Variants in HOMEZ observed in about 807,000 individuals in gnomAD.
The protein encoded by HOMEZ is homeobox and leucine zipper protein Homez.
In HOMEZ, 20 loss-of-function variants were observed where a neutral mutation model predicts 50.1. That is an observed-to-expected ratio of 0.40 (90% CI 0.28 to 0.58). HOMEZ has a LOEUF of 0.58. Among genes scored for constraint, HOMEZ ranks in the 20% least tolerant of loss-of-function variants. The pLI is 0.46. For synonymous variants in HOMEZ, 239 were observed against 254.7 expected (o/e 0.94, Z 0.59); for missense variants, 579 against 680.5 (o/e 0.85, Z 1.66).
At chr14:23,285,041 T>C (rs983268600) in intron 1 of HOMEZ, 5 of 152,274 alleles carry the variant, frequency 3.3e-5, no homozygotes, top group Middle Eastern at 3.4e-3. Context: ...GGAAAGAGAA[T>C]TGGGAACTCT....
Position 23,285,965 on chromosome 14 carries a change from A to G in HOMEZ, c.-13T>C, listed in dbSNP as rs906046206. On this transcript the variant is annotated 5_prime_UTR_variant, in exon 1 of 2. Coordinates refer to ENST00000357460, the MANE Select transcript of HOMEZ (RefSeq NM_020834.3). Reference sequence around the variant, plus strand: ...AGCCTCGCACCATGGGCCGGGGGGAAGTGGGGGAGAGGGCAGGGGGCCTCC... The same window carrying G: ...AGCCTCGCACCATGGGCCGGGGGGAGGTGGGGGAGAGGGCAGGGGGCCTCC... 1.7e-6 allele frequency: 2 copies of G among 1,191,808 alleles called. No individual in the cohort carries two copies. The highest frequency in any genetic ancestry group is 4.2e-5 in the South Asian group (1 of 23,610). The allele number at this position is 1,191,808 out of a possible 1,614,324, so 73.8% of individuals were successfully genotyped here. A position where few individuals can be genotyped will look rare whatever the true frequency, so the allele number is the denominator to read the frequency against.
intron 1 of HOMEZ, among the ~76,000 whole-genome samples, chr14:23,280,168 T>C (rs1274214378): frequency 6.6e-6 from 1 of 152,030 alleles, no homozygotes; most frequent in African/African-American, 2.4e-5. Context: ...CATCTCTTGG[T>C]TGGATGAGAG....
chr14:23,280,704 T>TC (rs968351125), intron 1 of HOMEZ, among the ~76,000 whole-genome samples: 1 of 86,522 alleles, frequency 1.2e-5, no homozygotes. Context: ...TATTTTTATA[T>TC]TTTTATTTTT....
At chr14:23,280,444 CA>C (rs1237312912) in intron 1 of HOMEZ, among the ~76,000 whole-genome samples, 1 of 152,094 alleles carries the variant, frequency 6.6e-6, no homozygotes, top group South Asian at 2.1e-4. Flanking sequence ...ACCAGGTGGA[CA>C]GGCTCATTAT....
At position 23,286,075 on chromosome 14, in the gene HOMEZ, C is replaced by A. The variant is rs1299803884; in HGVS notation, c.-123G>T. 2 of 1,230,496 alleles carry A rather than the reference C, an allele frequency of 1.6e-6. No individual in the cohort carries two copies. The highest frequency in any genetic ancestry group is 2.0e-6 in the Non-Finnish European group (2 of 987,018). 76.2% of individuals were successfully genotyped at this position (1,230,496 alleles called of 1,614,324 possible). Reference sequence around the variant, plus strand: ...AAACCGGGACTGCCCCCCCCACCGTCCCCGGGAGCGCGCCGGTCTACCCAG... The same window carrying A: ...AAACCGGGACTGCCCCCCCCACCGTACCCGGGAGCGCGCCGGTCTACCCAG... On this transcript the variant is annotated 5_prime_UTR_variant, in exon 1 of 2. Transcript: ENST00000357460.
intron 1 of HOMEZ, among the ~76,000 whole-genome samples, chr14:23,281,799 AAATAATAAT>A (rs55828215): frequency 2.8e-3 from 388 of 137,440 alleles, no homozygotes; most frequent in African/African-American, 6.8e-3. Flanking sequence ...CTGTCTCTAC[AAATAATAAT>A]AATAATAATA....
intron 1 of HOMEZ, chr14:23,285,593 C>A: frequency 3.4e-6 from 1 of 293,038 alleles, no homozygotes. Flanking sequence ...ATTTCACAGG[C>A]AGTCCAGAAG....
rs550350083 is a variant in HOMEZ at position 23,278,927 on chromosome 14, C to T, written c.41-1740G>A. On this transcript the variant is annotated intron_variant, in intron 1 of 1. Coordinates refer to ENST00000357460, the MANE Select transcript of HOMEZ (RefSeq NM_020834.3). ...CTGACCTCAAGTGATCCACCGGCCT[C>T]GGCCTCCCAAAGTGCTGGGATTACA... Among the ~76,000 whole-genome samples the T allele has an allele frequency of 2.8e-4, 42 of 152,236 alleles. 1 individual carries two copies. The highest frequency in any genetic ancestry group is 2.6e-3 in the Admixed American group (40 of 15,300).
intron 1 of HOMEZ, chr14:23,285,311 G>A (rs1375998567): frequency 1.3e-5 from 2 of 151,928 alleles, no homozygotes; most frequent in Non-Finnish European, 2.9e-5. Context: ...CTCAGCTTGA[G>A]TCTTCTTTCA....
At chr14:23,277,736 A>G (rs1429400539) in intron 1 of HOMEZ, among the ~76,000 whole-genome samples, 1 of 112,850 alleles carries the variant, frequency 8.9e-6, no homozygotes, top group African/African-American at 4.6e-5. Flanking sequence ...ATAGAGTGAG[A>G]CCCTATCAAA....
chr14:23,278,085 C>A (rs1012298123), intron 1 of HOMEZ, among the ~76,000 whole-genome samples: 5 of 151,806 alleles, frequency 3.3e-5, no homozygotes, highest in African/African-American at 1.2e-4. Flanking sequence ...CCTCTGGCCT[C>A]CCAAAGCTGG....
At chr14:23,285,825 C>T in intron 1 of HOMEZ, 88 bp downstream of exon 1, 1 of 736,704 alleles carries the variant, frequency 1.4e-6, no homozygotes, top group Non-Finnish European at 1.9e-6. Flanking sequence ...CTAGAATTAT[C>T]CCCCCACCAG....
At position 23,276,332 on chromosome 14, in the gene HOMEZ, G is replaced by A. The variant is rs769131264; in HGVS notation, c.896C>T (p.Ala299Val). ...CTGGAGGGGTTTAGAGGCGGCAGTA[G>A]CTCCATTAGCCAGTACCTGGAAAGA... ...SSSFQVLANG[A>V]TAASKPLQPL... is the part of the protein sequence containing the mutation. Residue 299 changes from alanine to valine, a missense_variant, in exon 2 of 2, where the codon GCT (alanine) becomes GTT (valine). Physicochemically the swap from Ala to Val is moderately conservative, Grantham distance 64 (BLOSUM62 0). Coordinates refer to ENST00000357460, the MANE Select transcript of HOMEZ (RefSeq NM_020834.3). This position sits in a 1 kb window ranked among gnomAD's most constrained non-coding sequence, Gnocchi z 4.1. The A allele has an allele frequency of 6.2e-7, 1 of 1,613,902 alleles. No homozygotes were observed. The highest frequency in any genetic ancestry group is 1.1e-5 in the South Asian group (1 of 91,068).
At chr14:23,278,820 C>A (rs1167404736) in intron 1 of HOMEZ, among the ~76,000 whole-genome samples, 1 of 152,056 alleles carries the variant, frequency 6.6e-6, no homozygotes, top group Non-Finnish European at 1.5e-5. Context: ...GGACTACAGG[C>A]GTGTGCCACC....
At position 23,274,580 on chromosome 14, in the gene HOMEZ, A is replaced by G. The variant is rs1886291378; in HGVS notation, c.*995T>C. 1 of 152,660 alleles carries G rather than the reference A, an allele frequency of 6.6e-6. No homozygotes were observed. The highest frequency in any genetic ancestry group is 6.5e-5 in the Admixed American group (1 of 15,282). 9.5% of individuals were successfully genotyped at this position (152,660 alleles called of 1,614,324 possible). On this transcript the variant is annotated 3_prime_UTR_variant, in exon 2 of 2. Coordinates refer to ENST00000357460, the MANE Select transcript of HOMEZ (RefSeq NM_020834.3). ...AACAGAGTGAGGATTTTGGAAAGAT[A>G]GAAAAAGCTACAAGGCAAAGTGGTC...
Position 23,272,914 on chromosome 14 carries a change from T to C in HOMEZ, c.*2661A>G, listed in dbSNP as rs1886219863. The C allele has an allele frequency of 1.4e-6, 2 of 1,406,074 alleles. No individual in the cohort carries two copies. 87.1% of individuals were successfully genotyped at this position (1,406,074 alleles called of 1,614,324 possible). On this transcript the variant is annotated 3_prime_UTR_variant, in exon 2 of 2. Coordinates refer to ENST00000357460, the MANE Select transcript of HOMEZ (RefSeq NM_020834.3). ...TAGATCATCTTCAAGATCTGATCTA[T>C]ACATGCTGCTGAAGGATGGACTGTA...
intron 1 of HOMEZ, among the ~76,000 whole-genome samples, chr14:23,280,763 A>ATTTTCTTTTC (rs1295606666): frequency 5.8e-5 from 5 of 86,018 alleles, no homozygotes; most frequent in Non-Finnish European, 1.0e-4. Flanking sequence ...ATTTTATTTT[A>ATTTTCTTTTC]TTTTATTTTA....
chr14:23,284,562 T>C (rs1886621497), intron 1 of HOMEZ, among the ~76,000 whole-genome samples: 1 of 152,238 alleles, frequency 6.6e-6, no homozygotes, highest in Non-Finnish European at 1.5e-5. Flanking sequence ...TTTCAGTGTC[T>C]ATATAATAAT....
rs1886521874 is a variant in HOMEZ, at chr14:23,280,748, A to ATTTTATTTTATTTTATTTTATTT, written c.41-3584_41-3562dup. ...TTATTTTATTTTATTTTATTATTTT[A>ATTTTATTTTATTTTATTTTATTT]TTTTATTTTATTTTATTTTATTTTA... is the stretch of plus-strand genomic sequence containing the variant. On this transcript the variant is annotated intron_variant, in intron 1 of 1. Transcript: ENST00000357460. Among the ~76,000 whole-genome samples, 3 of 87,120 alleles carry ATTTTATTTTATTTTATTTTATTT rather than the reference A, an allele frequency of 3.4e-5. 1 individual carries two copies. Among genetic ancestry groups the ATTTTATTTTATTTTATTTTATTT allele is most frequent in the Non-Finnish European group, 6.8e-5 (3 of 43,960 alleles). The allele number at this position is 87,120 out of a possible 152,430, so 57.2% of individuals were successfully genotyped here.
Sources: gnomAD v4.1 joint callset for allele counts (sites outside exome capture counted in the v4.1 genomes callset) on GRCh38, gnomAD v4.1.1 for gene constraint, Gnocchi (gnomAD v3.1) non-coding constraint, MANE v1.5 for transcripts, NCBI Gene and HGNC (gene_info 2026-07-23, HGNC 2026-07-21) for gene names.